The following ELK3 variants were observed in gnomAD, a reference collection of about 807,000 sequenced individuals.
ELK3 encodes the protein ETS domain-containing protein Elk-3.
Under a neutral mutation model 28.9 loss-of-function variants are expected in ELK3, and 10 were observed. That is an observed-to-expected ratio of 0.35 (90% CI 0.21 to 0.59). ELK3 has a LOEUF of 0.59. Ranked by LOEUF, ELK3 falls within the 20% of genes least tolerant of loss-of-function variation. The pLI is 0.82. For missense variants in ELK3, 463 were observed against 517.3 expected (o/e 0.90, Z 1.02); for synonymous variants, 272 against 243.5 (o/e 1.12, Z -1.09).
At chr12:96,215,550 CTTTT>C (rs1951608252) in intron 1 of ELK3, among the ~76,000 whole-genome samples, 1 of 150,486 alleles carries the variant, frequency 6.6e-6, no homozygotes, top group Non-Finnish European at 1.5e-5. Flanking sequence ...TAGCATCTTT[CTTTT>C]TGAGGCTCCG....
intron 1 of ELK3, among the ~76,000 whole-genome samples, chr12:96,203,181 A>G (rs952082272): frequency 2.6e-5 from 4 of 152,178 alleles, no homozygotes; most frequent in Non-Finnish European, 5.9e-5. Context: ...ATACCTGGCC[A>G]GGAACTAGAC....
At chr12:96,235,578 T>A (rs914029752) in intron 2 of ELK3, among the ~76,000 whole-genome samples, 1 of 152,088 alleles carries the variant, frequency 6.6e-6, no homozygotes, top group Non-Finnish European at 1.5e-5. Context: ...TTGCCCTACC[T>A]ACCCCTCCTT....
intron 2 of ELK3, among the ~76,000 whole-genome samples, chr12:96,241,799 T>C (rs2137029374): frequency 6.6e-6 from 1 of 152,326 alleles, no homozygotes; most frequent in East Asian, 1.9e-4. Flanking sequence ...GGATTAATTT[T>C]GGTATCTGGT....
intron 2 of ELK3, among the ~76,000 whole-genome samples, chr12:96,228,829 C>T (rs886734263): frequency 6.6e-6 from 1 of 152,178 alleles, no homozygotes; most frequent in Non-Finnish European, 1.5e-5. Flanking sequence ...CTCAGCGTCT[C>T]AGTTCACCCA....
rs1952043773 is a variant in ELK3, at chr12:96,267,428, T to TTAAG, written c.*250_*253dup. ...TTTTGTTTTTATATCCTTTTAGCTC[T>TTAAG]TAAGTGTTGAACACTGTTGACAGTG... On this transcript the variant is annotated 3_prime_UTR_variant, in exon 5 of 5. Coordinates refer to ENST00000228741, the MANE Select transcript of ELK3 (RefSeq NM_005230.4). 4 of 363,006 alleles carry TTAAG rather than the reference T, an allele frequency of 1.1e-5. No individual in the cohort carries two copies. Among genetic ancestry groups the TTAAG allele is most frequent in the African/African-American group, 4.2e-5 (2 of 47,680 alleles). 22.5% of individuals were successfully genotyped at this position (363,006 alleles called of 1,614,324 possible).
chr12:96,200,100 G>A (rs1951499318), intron 1 of ELK3, among the ~76,000 whole-genome samples: 1 of 152,016 alleles, frequency 6.6e-6, no homozygotes, highest in Non-Finnish European at 1.5e-5. Flanking sequence ...TATTTATGGG[G>A]TACATAGTGA....
chr12:96,247,504 A>G lies in ELK3; in HGVS notation c.772A>G (p.Ser258Gly), dbSNP rs527694650. 1.6e-5 allele frequency: 26 copies of G among 1,613,964 alleles called. 1 individual carries two copies. In the South Asian group the frequency reaches 2.4e-4, roughly 15 times the overall value. The change falls in exon 3 of 5, where the codon AGC (serine) becomes GGC (glycine). Residue 258 changes from serine (S) to glycine (G), a missense_variant. Coordinates refer to ENST00000228741, the MANE Select transcript of ELK3 (RefSeq NM_005230.4). The surrounding 1 kb of genome is among the most constrained non-coding windows in gnomAD (Gnocchi z 5.5). ...PNSPLPSEHRSLFLEAACHDS... is the reference protein window; with the variant it reads ...PNSPLPSEHRGLFLEAACHDS... ...CTCACCCCTCCCTTCTGAACACAGA[A>G]GCCTCTTCCTGGAGGCCGCCTGCCA... is the stretch of plus-strand genomic sequence containing the variant.
Position 96,269,532 on chromosome 12 carries a change from TGAA to T in ELK3, c.*2356_*2358del, listed in dbSNP as rs1461493976. 6.6e-5 allele frequency: 10 copies of T among 152,230 alleles called. No homozygotes were observed. Among genetic ancestry groups the T allele is most frequent in the South Asian group, 4.1e-4 (2 of 4,834 alleles). The allele number at this position is 152,230 out of a possible 1,614,324, so 9.4% of individuals were successfully genotyped here. A position where few individuals can be genotyped will look rare whatever the true frequency, so the allele number is the denominator to read the frequency against. ...AACACAAACAGAGAACTGGAGGAAC[TGAA>T]GAATAACTCACTCATATAGCTCTGC... On this transcript the variant is annotated 3_prime_UTR_variant, in exon 5 of 5. Transcript: ENST00000228741.
intron 1 of ELK3, among the ~76,000 whole-genome samples, chr12:96,197,852 T>G (rs1350721834): frequency 6.6e-6 from 1 of 152,268 alleles, no homozygotes; most frequent in African/African-American, 2.4e-5. Context: ...TGAGGTCATA[T>G]ATTAAAATTT....
At chr12:96,260,912 C>T (rs1421802956) in intron 4 of ELK3, among the ~76,000 whole-genome samples, 1 of 152,182 alleles carries the variant, frequency 6.6e-6, no homozygotes, top group East Asian at 1.9e-4. Context: ...CAATCTTTCT[C>T]ACTAAACTAT....
At chr12:96,229,379 G>T (rs992365124) in intron 2 of ELK3, among the ~76,000 whole-genome samples, 1 of 152,146 alleles carries the variant, frequency 6.6e-6, no homozygotes, top group East Asian at 1.9e-4. Flanking sequence ...TGCTCCCTCT[G>T]ACTCAGGTGG....
chr12:96,246,897 T>C (rs1261465937), intron 2 of ELK3, 43 bp from the exon 3 acceptor site: 2 of 1,540,994 alleles, frequency 1.3e-6, no homozygotes, highest in African/African-American at 2.8e-5. Context: ...ACATGGTTTC[T>C]CGGGTGCACT....
At chr12:96,237,584 G>A (rs1199218569) in intron 2 of ELK3, among the ~76,000 whole-genome samples, 1 of 152,232 alleles carries the variant, frequency 6.6e-6, no homozygotes, top group Non-Finnish European at 1.5e-5. Flanking sequence ...ATTCCTCAGA[G>A]CCTGGCATGG....
intron 2 of ELK3, among the ~76,000 whole-genome samples, chr12:96,243,230 T>G (rs1046357349): frequency 1.3e-5 from 2 of 152,226 alleles, no homozygotes; most frequent in Non-Finnish European, 2.9e-5. Flanking sequence ...GCTCTGAGTA[T>G]AGAGTTCTGC....
chr12:96,207,434 T>C (rs1342938813), intron 1 of ELK3, among the ~76,000 whole-genome samples: 1 of 152,218 alleles, frequency 6.6e-6, no homozygotes, highest in Non-Finnish European at 1.5e-5. Flanking sequence ...CAGGTGATGA[T>C]ATGTTGAAGA....
intron 1 of ELK3, among the ~76,000 whole-genome samples, chr12:96,208,083 C>T (rs190342967): frequency 4.6e-5 from 7 of 152,126 alleles, no homozygotes; most frequent in Admixed American, 1.3e-4. Context: ...GACAGAGTCT[C>T]GCTCTGTTGC....
At position 96,246,987 on chromosome 12, in the gene ELK3, C is replaced by G; in HGVS notation, c.255C>G (p.Val85=). 6.2e-7 allele frequency: 1 copy of G among 1,612,158 alleles called. No homozygotes were observed. The highest frequency in any genetic ancestry group is 8.5e-7 in the Non-Finnish European group (1 of 1,178,932). Residue 85 remains valine, a synonymous_variant, in exon 3 of 5, where the codon GTC becomes GTG. Coordinates refer to ENST00000228741, the MANE Select transcript of ELK3 (RefSeq NM_005230.4). Reference sequence around the variant, plus strand: ...GGCAGAAGTTTGTGTACAAGTTTGTCTCTTTCCCGGAGATCCTGAAGATGG... The same window carrying G: ...GGCAGAAGTTTGTGTACAAGTTTGTGTCTTTCCCGGAGATCCTGAAGATGG... ...VIGQKFVYKF[V]SFPEILKMDP...
At chr12:96,254,608 C>T (rs1245757519) in intron 3 of ELK3, among the ~76,000 whole-genome samples, 1 of 151,882 alleles carries the variant, frequency 6.6e-6, no homozygotes, top group Admixed American at 6.6e-5. Flanking sequence ...ACTGAGTGCC[C>T]ATCATGTGAA....
chr12:96,249,649 ACT>A (rs1015248793), intron 3 of ELK3, among the ~76,000 whole-genome samples: 14 of 152,088 alleles, frequency 9.2e-5, no homozygotes, highest in African/African-American at 3.1e-4. Flanking sequence ...GCCAGGGCTG[ACT>A]CTGATTTAGG....
Sources: gnomAD v4.1 joint callset for allele counts (sites outside exome capture counted in the v4.1 genomes callset) on GRCh38, gnomAD v4.1.1 for gene constraint, Gnocchi (gnomAD v3.1) non-coding constraint, MANE v1.5 for transcripts, NCBI Gene and HGNC (gene_info 2026-07-23, HGNC 2026-07-21) for gene names.